The following SULT2B1 variants were observed in gnomAD, a reference collection of about 807,000 sequenced individuals.
The protein encoded by SULT2B1 is sulfotransferase family 2B member 1.
A neutral mutation model predicts 33.2 loss-of-function variants in SULT2B1; 16 were observed. That is an observed-to-expected ratio of 0.48 (90% CI 0.33 to 0.73). SULT2B1 has a LOEUF of 0.73. Among genes scored for constraint, SULT2B1 ranks in the 30% least tolerant of loss-of-function variants. The pLI, the probability that SULT2B1 is intolerant of heterozygous loss-of-function variation, is 0.02. For synonymous variants in SULT2B1, 186 were observed against 200.5 expected (o/e 0.93, Z 0.61); for missense variants, 500 against 506.0 (o/e 0.99, Z 0.11).
At chr19:48,598,017 G>A (rs954532011) in intron 6 of SULT2B1, among the ~76,000 whole-genome samples, 3 of 151,954 alleles carry the variant, frequency 2.0e-5, no homozygotes, top group Non-Finnish European at 4.4e-5. Context: ...GATACTTCAG[G>A]GTCCTCTCCC....
chr19:48,564,937 C>T lies in SULT2B1; in HGVS notation c.72-11004C>T, dbSNP rs538915155. 7.9e-5 allele frequency among the ~76,000 whole-genome samples: 12 copies of T among 150,996 alleles called. No homozygotes were observed. In the South Asian group the frequency reaches 1.3e-3, roughly 16 times the overall value. On this transcript the variant is annotated intron_variant, in intron 1 of 6. Transcript: ENST00000201586. ...TCCCGAGTAGCTGGGACTACAGGTG[C>T]GTGCCACCACGCCCGGCTAATTTTT... is the stretch of plus-strand genomic sequence containing the variant.
intron 2 of SULT2B1, among the ~76,000 whole-genome samples, chr19:48,584,287 G>A (rs1973534549): frequency 6.6e-6 from 1 of 152,186 alleles, no homozygotes; most frequent in Non-Finnish European, 1.5e-5. Context: ...GACCCACTGG[G>A]TGACTGAGAA....
At chr19:48,587,784 T>C (rs914882169) in intron 3 of SULT2B1, among the ~76,000 whole-genome samples, 1 of 149,716 alleles carries the variant, frequency 6.7e-6, no homozygotes, top group Non-Finnish European at 1.5e-5. Context: ...TCCCAGCTAC[T>C]TGGAATGCTG....
intron 1 of SULT2B1, among the ~76,000 whole-genome samples, chr19:48,556,092 G>T (rs1301660018): frequency 6.6e-6 from 1 of 152,104 alleles, no homozygotes; most frequent in Non-Finnish European, 1.5e-5. Flanking sequence ...GGGACTTTGC[G>T]TGCACCAGCG....
chr19:48,592,642 CTAGT>C (rs1455561729), intron 4 of SULT2B1, 76 bp from the exon 5 acceptor site: 12 of 1,229,530 alleles, frequency 9.8e-6, no homozygotes. Context: ...TGGGGCACAG[CTAGT>C]TAGACCCATG....
chr19:48,563,054 A>T (rs888335605), intron 1 of SULT2B1, among the ~76,000 whole-genome samples: 1 of 152,072 alleles, frequency 6.6e-6, no homozygotes, highest in Non-Finnish European at 1.5e-5. Flanking sequence ...TCCCTATCAG[A>T]TCTTTTTTTA....
chr19:48,575,667 G>C, intron 1 of SULT2B1: 2 of 311,036 alleles, frequency 6.4e-6, no homozygotes, highest in Non-Finnish European at 5.8e-6. Context: ...TTTTAGTAGG[G>C]GCGGGGTTTC....
chr19:48,594,888 G>A (rs534842627), intron 5 of SULT2B1, among the ~76,000 whole-genome samples: 26 of 92,992 alleles, frequency 2.8e-4, no homozygotes, highest in Non-Finnish European at 5.6e-4. Flanking sequence ...GCATGGTGGT[G>A]CATGCCTATA....
chr19:48,569,068 C>T (rs139022555), intron 1 of SULT2B1, among the ~76,000 whole-genome samples: 13 of 152,092 alleles, frequency 8.5e-5, no homozygotes, highest in African/African-American at 2.9e-4. Context: ...TTAGGCTGGG[C>T]GTGGTGGCTC....
At chr19:48,587,548 A>G in intron 3 of SULT2B1, 111 bp downstream of exon 3, 3 of 1,228,904 alleles carry the variant, frequency 2.4e-6, no homozygotes, top group Non-Finnish European at 3.5e-6. Context: ...TTAAACACCT[A>G]CTATGTGCCT....
chr19:48,552,235 C>T lies in SULT2B1; in HGVS notation c.-18C>T. ...TGCTCCCTGCTCGTCCTCCCCTCCC[C>T]ACCCTCACCCACCTGCCATGGACGG... On this transcript the variant is annotated 5_prime_UTR_variant, in exon 1 of 7. Transcript: ENST00000201586. The surrounding 1 kb of genome is among the most constrained non-coding windows in gnomAD (Gnocchi z 4.8). 6.2e-7 allele frequency: 1 copy of T among 1,612,848 alleles called. No homozygotes were observed. The highest frequency in any genetic ancestry group is 8.5e-7 in the Non-Finnish European group (1 of 1,179,426).
In SULT2B1 at chr19:48,599,089, G is replaced by A; in HGVS notation, c.827-46G>A. 6.5e-7 allele frequency: 1 copy of A among 1,539,126 alleles called. No homozygotes were observed. Among genetic ancestry groups the A allele is most frequent in the Non-Finnish European group, 8.7e-7 (1 of 1,147,568 alleles). On this transcript the variant is annotated intron_variant, in intron 6 of 6. Coordinates refer to ENST00000201586, the MANE Select transcript of SULT2B1 (RefSeq NM_177973.2). This position sits in a 1 kb window ranked among gnomAD's most constrained non-coding sequence, Gnocchi z 4.1. ...CTGGAATGTTGGAGGTAGGGGCGCA[G>A]TGCTCCCCAGAGGCTCCTCACCCCC...
At position 48,587,428 on chromosome 19, in the gene SULT2B1, C is replaced by T; in HGVS notation, c.414C>T (p.Ser138=). The change falls in exon 3 of 7, where the codon TCC becomes TCT. Residue 138 remains serine, a synonymous_variant. Coordinates refer to ENST00000201586, the MANE Select transcript of SULT2B1 (RefSeq NM_177973.2). ...TCTTCACCAAGGCCTTCTTCAGCTC[C>T]AAGGCCAAGGTTGGGAGGAGGGGTG... is the stretch of plus-strand genomic sequence containing the variant. ...IQIFTKAFFS[S]KAKVIYMGRN... is the part of the protein sequence containing the mutation. 1 of 1,614,120 alleles carries T rather than the reference C, an allele frequency of 6.2e-7. No individual in the cohort carries two copies. Among genetic ancestry groups the T allele is most frequent in the Non-Finnish European group, 8.5e-7 (1 of 1,180,022 alleles).
chr19:48,552,679 C>A lies in SULT2B1; in HGVS notation c.71+356C>A, dbSNP rs1451990546. On this transcript the variant is annotated intron_variant, in intron 1 of 6. Coordinates refer to ENST00000201586, the MANE Select transcript of SULT2B1 (RefSeq NM_177973.2). The surrounding 1 kb of genome is among the most constrained non-coding windows in gnomAD (Gnocchi z 4.8). ...GTGCATAGTAGTTGCTCAGGAAACACAACAGCCTGTAGTACCCAGGACACC... is the reference window on the plus strand; with the variant it reads ...GTGCATAGTAGTTGCTCAGGAAACAAAACAGCCTGTAGTACCCAGGACACC... Among the ~76,000 whole-genome samples, 1 of 152,164 alleles carries A rather than the reference C, an allele frequency of 6.6e-6. No individual in the cohort carries two copies. Among genetic ancestry groups the A allele is most frequent in the African/African-American group, 2.4e-5 (1 of 41,422 alleles).
At chr19:48,596,471 C>CGG in intron 5 of SULT2B1, 1 of 239,636 alleles carries the variant, frequency 4.2e-6, no homozygotes. Context: ...ACCTCTGCCC[C>CGG]CTGCTGTGAC....
At chr19:48,583,127 G>C (rs1363074513) in intron 2 of SULT2B1, among the ~76,000 whole-genome samples, 1 of 149,390 alleles carries the variant, frequency 6.7e-6, no homozygotes, top group Non-Finnish European at 1.5e-5. Flanking sequence ...CTCCAGCCTA[G>C]GCAACAAGAG....
intron 2 of SULT2B1, among the ~76,000 whole-genome samples, chr19:48,579,886 C>T (rs998435348): frequency 9.9e-5 from 15 of 151,990 alleles, no homozygotes; most frequent in African/African-American, 3.1e-4. Flanking sequence ...GGATTACAGG[C>T]GTGAGCCACT....
rs1387045137 is a variant in SULT2B1, at chr19:48,581,890, A to ATTATTATTAT, written c.215-5338_215-5337insTATTATTATT. Reference sequence around the variant, plus strand: ...CAGAGTATGTTTTATTATTATTATTATATTATTATTATTATTATTATTATT... The same window carrying ATTATTATTAT: ...CAGAGTATGTTTTATTATTATTATTATTATTATTATTATTATTATTATTATTATTATTATT... On this transcript the variant is annotated intron_variant, in intron 2 of 6. Transcript: ENST00000201586. Among the ~76,000 whole-genome samples the ATTATTATTAT allele has an allele frequency of 2.6e-3, 353 of 137,712 alleles. 3 individuals are homozygous for ATTATTATTAT. The highest frequency in any genetic ancestry group is 9.2e-3 in the African/African-American group (339 of 36,752). 90.3% of individuals were successfully genotyped at this position (137,712 alleles called of 152,430 possible).
At chr19:48,573,946 C>A (rs1973366622) in intron 1 of SULT2B1, among the ~76,000 whole-genome samples, 1 of 152,168 alleles carries the variant, frequency 6.6e-6, no homozygotes, top group Admixed American at 6.6e-5. Context: ...ACTGCAGCCT[C>A]AAACTCCTGG....
Sources: gnomAD v4.1 joint callset for allele counts (sites outside exome capture counted in the v4.1 genomes callset) on GRCh38, gnomAD v4.1.1 for gene constraint, Gnocchi (gnomAD v3.1) non-coding constraint, MANE v1.5 for transcripts, NCBI Gene and HGNC (gene_info 2026-07-23, HGNC 2026-07-21) for gene names.